The following SVEP1 variants were observed in gnomAD, a reference collection of about 807,000 sequenced individuals.
SVEP1 encodes the protein sushi, von Willebrand factor type A, EGF and pentraxin domain containing 1.
A neutral mutation model predicts 367.3 loss-of-function variants in SVEP1; 164 were observed. The observed-to-expected ratio is 0.45, with a 90% CI of 0.39 to 0.51. The LOEUF is 0.51. Ranked by LOEUF, SVEP1 falls within the 20% of genes least tolerant of loss-of-function variation. SVEP1 has a pLI of 0.00. For missense variants in SVEP1, 4,117 were observed against 4,425.3 expected, an observed-to-expected ratio of 0.93 and a Z score of 1.98; for synonymous variants, 1,666 against 1,611.6, an observed-to-expected ratio of 1.03 and a Z score of -0.81.
At chr9:110,395,491 C>T (rs1213186743) in intron 40 of SVEP1, among the ~76,000 whole-genome samples, 1 of 152,156 alleles carries the variant, frequency 6.6e-6, no homozygotes, top group African/African-American at 2.4e-5. Flanking sequence ...GGATCAAATT[C>T]ACACATAACA....
chr9:110,546,353 G>A (rs1289546321), intron 2 of SVEP1, 62 bp from the exon 3 acceptor site: 1 of 1,497,534 alleles, frequency 6.7e-7, no homozygotes, highest in Non-Finnish European at 9.0e-7. Context: ...TACATTCTCT[G>A]GTCATTAAAA....
chr9:110,369,347 C>T (rs1390386204), intron 47 of SVEP1, among the ~76,000 whole-genome samples: 1 of 152,090 alleles, frequency 6.6e-6, no homozygotes, highest in Non-Finnish European at 1.5e-5. Context: ...TTTACATAAT[C>T]TTTTTGTAGT....
chr9:110,517,523 G>A (rs927472168), intron 3 of SVEP1, among the ~76,000 whole-genome samples: 6 of 151,094 alleles, frequency 4.0e-5, no homozygotes, highest in Admixed American at 1.3e-4. Context: ...ACTTGAACTC[G>A]GGAAGCGGAG....
chr9:110,551,695 C>G lies in SVEP1; in HGVS notation c.532-1591G>C, dbSNP rs550515806. Reference sequence around the variant, plus strand: ...TTGGCTCTTAAAGTTTAAAAAGCTGCCCTCTTGATGAATGACAGGAAGATT... The same window carrying G: ...TTGGCTCTTAAAGTTTAAAAAGCTGGCCTCTTGATGAATGACAGGAAGATT... On this transcript the variant is annotated intron_variant, in intron 1 of 47. Coordinates refer to ENST00000374469, the MANE Select transcript of SVEP1 (RefSeq NM_153366.4). 4.9e-4 allele frequency among the ~76,000 whole-genome samples: 74 copies of G among 152,186 alleles called. No homozygotes were observed. In the South Asian group the frequency reaches 0.015, roughly 31 times the overall value.
intron 3 of SVEP1, among the ~76,000 whole-genome samples, chr9:110,521,024 T>C (rs1829869543): frequency 6.6e-6 from 1 of 152,188 alleles, no homozygotes; most frequent in Non-Finnish European, 1.5e-5. Flanking sequence ...TTTTCGACTT[T>C]ATGGATTTGA....
intron 1 of SVEP1, among the ~76,000 whole-genome samples, chr9:110,559,325 A>T (rs1830394384): frequency 6.6e-6 from 1 of 152,090 alleles, no homozygotes; most frequent in Non-Finnish European, 1.5e-5. Context: ...CAAATATAGT[A>T]TTAATGTCTT....
At chr9:110,400,656 C>T (rs564299058) in intron 40 of SVEP1, among the ~76,000 whole-genome samples, 198 bp downstream of exon 40, 61 of 152,182 alleles carry the variant, frequency 4.0e-4, no homozygotes, top group South Asian at 3.3e-3. Context: ...CATGAGCCAC[C>T]GCACCCAGTT....
At chr9:110,576,663 G>T (rs936502767) in intron 1 of SVEP1, among the ~76,000 whole-genome samples, 1 of 151,904 alleles carries the variant, frequency 6.6e-6, no homozygotes, top group Non-Finnish European at 1.5e-5. Flanking sequence ...GTTTCTATAC[G>T]TCAAGAAAAG....
At chr9:110,550,200 G>A in intron 1 of SVEP1, 96 bp from the exon 2 acceptor site, 1 of 1,492,414 alleles carries the variant, frequency 6.7e-7, no homozygotes, top group Non-Finnish European at 9.1e-7. Context: ...AAGATCATTA[G>A]TATTTCACAG....
intron 26 of SVEP1, among the ~76,000 whole-genome samples, chr9:110,444,509 T>C (rs1488755949): frequency 2.0e-5 from 3 of 152,232 alleles, no homozygotes; most frequent in Non-Finnish European, 4.4e-5. Flanking sequence ...TGTAGTCATA[T>C]GTCAGACAAA....
chr9:110,402,185 CAG>C (rs377034181), intron 39 of SVEP1, among the ~76,000 whole-genome samples: 8 of 151,858 alleles, frequency 5.3e-5, no homozygotes, highest in African/African-American at 1.9e-4. Flanking sequence ...TTATTTTCTC[CAG>C]AGACTTGTGA....
At chr9:110,534,122 C>T (rs1381336014) in intron 3 of SVEP1, among the ~76,000 whole-genome samples, 1 of 152,116 alleles carries the variant, frequency 6.6e-6, no homozygotes, top group Non-Finnish European at 1.5e-5. Flanking sequence ...TATTTCATCA[C>T]CCAGGTACTG....
In SVEP1 at chr9:110,404,512, A is replaced by T. The variant is rs3739451; in HGVS notation, c.9481T>A (p.Phe3161Ile). ...GYTMDTDTDT[F>I]TCQKDGRWFP... ...CAGCGACCATCTTTCTGACAGGTGA[A>T]TGTATCTGTATCTGTATCCATCGTA... is the stretch of plus-strand genomic sequence containing the variant. The change falls in exon 39 of 48, where the codon TTC becomes ATC. Residue 3161 changes from phenylalanine (F) to isoleucine (I), a missense_variant. Around this residue, in one of 4 missense-constraint regions of SVEP1, gnomAD observed 1,765 missense variants for 1,781.1 expected, o/e 0.99. Coordinates refer to ENST00000374469, the MANE Select transcript of SVEP1 (RefSeq NM_153366.4). 0.18 allele frequency: 293,393 copies of T among 1,613,770 alleles called. 28,523 individuals carry two copies. The highest frequency in any genetic ancestry group is 0.21 in the Admixed American group (12,877 of 60,004).
In SVEP1 at chr9:110,429,926, G is replaced by A; in HGVS notation, c.5609C>T (p.Thr1870Ile). The A allele has an allele frequency of 6.2e-7, 1 of 1,612,256 alleles. No individual in the cohort carries two copies. The highest frequency in any genetic ancestry group is 8.5e-7 in the Non-Finnish European group (1 of 1,179,404). The change falls in exon 34 of 48, where the codon ACA (threonine) becomes ATA (isoleucine). Residue 1870 changes from threonine to isoleucine, a missense_variant. Physicochemically the swap from Thr to Ile is moderately conservative, Grantham distance 89. Coordinates refer to ENST00000374469, the MANE Select transcript of SVEP1 (RefSeq NM_153366.4). Reference protein sequence around the residue: ...ELAFTFGSKVTYRCNKGYTLA... With the variant: ...ELAFTFGSKVIYRCNKGYTLA... ...TTTAATCTTAGATACTTACCTATAT[G>A]TCACTTTGCTGCCAAAAGTAAATGC...
intron 40 of SVEP1, among the ~76,000 whole-genome samples, chr9:110,398,223 C>A (rs888161330): frequency 6.6e-6 from 1 of 151,930 alleles, no homozygotes; most frequent in Non-Finnish European, 1.5e-5. Flanking sequence ...ACAAACCTGA[C>A]AAAAACAAGA....
Position 110,406,327 on chromosome 9 carries a change from C to T in SVEP1, c.9273G>A (p.Arg3091=), listed in dbSNP as rs767598342. ...AACTGCCTTGTATGACATATCCAGACCTGCAGCTGTAAGTTATCACATTTT... is the reference window on the plus strand; with the variant it reads ...AACTGCCTTGTATGACATATCCAGATCTGCAGCTGTAAGTTATCACATTTT... ...WKENVITYSC[R]SGYVIQGSSD... is the part of the protein sequence containing the mutation. The change falls in exon 38 of 48, where the codon AGG becomes AGA. Residue 3091 remains arginine (R), a synonymous_variant. Coordinates refer to ENST00000374469, the MANE Select transcript of SVEP1 (RefSeq NM_153366.4). The T allele has an allele frequency of 1.2e-6, 2 of 1,614,060 alleles. No homozygotes were observed. The highest frequency in any genetic ancestry group is 1.7e-6 in the Non-Finnish European group (2 of 1,179,904).
chr9:110,528,150 G>GTATATATA (rs1169936743), intron 3 of SVEP1, among the ~76,000 whole-genome samples: 13 of 42,722 alleles, frequency 3.0e-4, no homozygotes, highest in African/African-American at 7.8e-4. Flanking sequence ...GTGTGTGTGT[G>GTATATATA]TGTGTGTATA....
At chr9:110,433,493 G>A (rs1244129753) in intron 30 of SVEP1, among the ~76,000 whole-genome samples, 2 of 143,026 alleles carry the variant, frequency 1.4e-5, no homozygotes, top group Admixed American at 1.4e-4. Context: ...TTTTAAGATA[G>A]GGTCTAGTTC....
intron 13 of SVEP1, among the ~76,000 whole-genome samples, chr9:110,478,015 A>G (rs7028390): frequency 0.3 from 44,962 of 151,990 alleles, 6,920 homozygotes; most frequent in Admixed American, 0.33. Flanking sequence ...TTCCACATGT[A>G]ATCTTTTTGA....
Sources: gnomAD v4.1 joint callset for allele counts (sites outside exome capture counted in the v4.1 genomes callset) on GRCh38, gnomAD v4.1.1 for gene constraint, gnomAD v4.1.1 regional missense constraint, MANE v1.5 for transcripts, NCBI Gene and HGNC (gene_info 2026-07-23, HGNC 2026-07-21) for gene names.